Variants in FAM24B observed in about 807,000 individuals in gnomAD.
FAM24B encodes the protein protein FAM24B.
FAM24B carries 3 observed loss-of-function variants against 2.3 expected under a neutral mutation model. That is an observed-to-expected ratio of 1.29 (90% confidence interval 0.59 to 3.32). The LOEUF (loss-of-function observed/expected upper bound fraction) is 3.32, where lower values mean the gene tolerates loss of function less well. Ranked by LOEUF, FAM24B falls within the 30% of genes most tolerant of loss-of-function variation. The pLI, the probability that FAM24B is intolerant of heterozygous loss-of-function variation, is 0.03. For missense variants in FAM24B, 98 were observed against 117.2 expected (o/e 0.84, Z 0.76); for synonymous variants, 36 against 46.3 (o/e 0.78, Z 0.90).
At chr10:122,850,018 C>A (rs2280710) in intron 3 of FAM24B, among the ~76,000 whole-genome samples, 1 of 152,142 alleles carries the variant, frequency 6.6e-6, no homozygotes, top group Non-Finnish European at 1.5e-5. Flanking sequence ...TCCAGCCCGT[C>A]CTCCACATGA....
chr10:122,860,236 A>G (rs1847706676), intron 1 of FAM24B, among the ~76,000 whole-genome samples: 1 of 152,030 alleles, frequency 6.6e-6, no homozygotes, highest in Admixed American at 6.5e-5. Flanking sequence ...CCATGGATCA[A>G]TTTTCCATCC....
intron 3 of FAM24B, 63 bp downstream of exon 3, chr10:122,850,360 TG>T: frequency 7.6e-7 from 1 of 1,322,404 alleles, no homozygotes; most frequent in East Asian, 2.3e-5. Context: ...ACTGAGGAAG[TG>T]CTATCCCCTT....
chr10:122,876,195 T>C (rs1847974318), intron 1 of FAM24B, among the ~76,000 whole-genome samples: 1 of 152,188 alleles, frequency 6.6e-6, no homozygotes, highest in Non-Finnish European at 1.5e-5. Context: ...CTTGCCTTGG[T>C]CTCTCACTCT....
At chr10:122,858,815 C>G (rs760113984) in intron 1 of FAM24B, among the ~76,000 whole-genome samples, 3 of 152,182 alleles carry the variant, frequency 2.0e-5, no homozygotes, top group Non-Finnish European at 4.4e-5. Flanking sequence ...TGGTGCTCCC[C>G]AGAGACTACA....
chr10:122,861,966 T>C (rs1847731195), intron 1 of FAM24B, among the ~76,000 whole-genome samples: 1 of 152,200 alleles, frequency 6.6e-6, no homozygotes, highest in African/African-American at 2.4e-5. Flanking sequence ...TTTACCTGCC[T>C]CTCTTTTCTG....
At chr10:122,850,353 G>A (rs1174826492) in intron 3 of FAM24B, 71 bp downstream of exon 3, 5 of 1,253,774 alleles carry the variant, frequency 4.0e-6, no homozygotes, top group South Asian at 1.2e-5. Flanking sequence ...GTATCCCACT[G>A]AGGAAGTGCT....
intron 1 of FAM24B, among the ~76,000 whole-genome samples, chr10:122,877,024 T>G (rs1005129868): frequency 1.3e-5 from 2 of 152,194 alleles, no homozygotes; most frequent in African/African-American, 2.4e-5. Flanking sequence ...AAACTTCTCT[T>G]TAAAACAGTC....
At chr10:122,870,839 G>T (rs1328547538) in intron 1 of FAM24B, among the ~76,000 whole-genome samples, 1 of 152,166 alleles carries the variant, frequency 6.6e-6, no homozygotes, top group African/African-American at 2.4e-5. Context: ...ATACTGAATG[G>T]ACAAAAACTG....
chr10:122,864,935 T>A (rs948037429), intron 1 of FAM24B, among the ~76,000 whole-genome samples: 1 of 152,250 alleles, frequency 6.6e-6, no homozygotes, highest in African/African-American at 2.4e-5. Context: ...TATTCCATTA[T>A]ATGAAAATAC....
chr10:122,872,165 G>T (rs1484232721), intron 1 of FAM24B, among the ~76,000 whole-genome samples: 1 of 152,164 alleles, frequency 6.6e-6, no homozygotes, highest in Non-Finnish European at 1.5e-5. Context: ...TATTTATGCA[G>T]CCAAAAAACA....
chr10:122,874,385 C>A (rs530449632), intron 1 of FAM24B, among the ~76,000 whole-genome samples: 3 of 152,128 alleles, frequency 2.0e-5, no homozygotes, highest in Admixed American at 6.5e-5. Flanking sequence ...AGTTCATGAC[C>A]TTGGATCATT....
At chr10:122,858,192 G>A (rs1474858905) in intron 1 of FAM24B, among the ~76,000 whole-genome samples, 1 of 152,116 alleles carries the variant, frequency 6.6e-6, no homozygotes, top group Non-Finnish European at 1.5e-5. Context: ...AGAAAATGTG[G>A]CACATATACA....
At position 122,857,469 on chromosome 10, in the gene FAM24B, A is replaced by G. The variant is rs547426119; in HGVS notation, c.-177-1683T>C. Among the ~76,000 whole-genome samples, 12 of 152,340 alleles carry G rather than the reference A, an allele frequency of 7.9e-5. No individual in the cohort carries two copies. The East Asian group carries it at 1.7e-3, about 22-fold the overall frequency. On this transcript the variant is annotated intron_variant, in intron 1 of 3. Coordinates refer to ENST00000368898, the MANE Select transcript of FAM24B (RefSeq NM_152644.3). ...TTTCACTATTCTTTCTTGCTATTAC[A>G]TAAGTCAGTCTTTAAAGCAATAAAT...
At chr10:122,858,735 T>TG (rs1847680433) in intron 1 of FAM24B, among the ~76,000 whole-genome samples, 1 of 151,948 alleles carries the variant, frequency 6.6e-6, no homozygotes, top group African/African-American at 2.4e-5. Flanking sequence ...TCACTGTCTG[T>TG]GGGGCACACA....
At chr10:122,876,734 T>C (rs562272513) in intron 1 of FAM24B, among the ~76,000 whole-genome samples, 45 of 152,354 alleles carry the variant, frequency 3.0e-4, no homozygotes, top group Non-Finnish European at 5.9e-5. Flanking sequence ...CATTATCTGA[T>C]GGATATTTTA....
At chr10:122,866,824 A>G (rs1847811039) in intron 1 of FAM24B, among the ~76,000 whole-genome samples, 1 of 152,136 alleles carries the variant, frequency 6.6e-6, no homozygotes, top group Admixed American at 6.5e-5. Flanking sequence ...AATGATAACA[A>G]TTAATACCCC....
At chr10:122,869,341 T>A (rs567092057) in intron 1 of FAM24B, among the ~76,000 whole-genome samples, 28 of 152,182 alleles carry the variant, frequency 1.8e-4, no homozygotes, top group Non-Finnish European at 3.4e-4. Flanking sequence ...AATGGGAGAC[T>A]TTAACACCCC....
intron 1 of FAM24B, among the ~76,000 whole-genome samples, chr10:122,870,862 T>C (rs1046058177): frequency 1.3e-5 from 2 of 152,198 alleles, no homozygotes; most frequent in African/African-American, 4.8e-5. Flanking sequence ...AGCATTCCCT[T>C]TGAAAACTGG....
intron 1 of FAM24B, among the ~76,000 whole-genome samples, chr10:122,859,257 G>A (rs756211370): frequency 6.6e-6 from 1 of 152,214 alleles, no homozygotes; most frequent in Non-Finnish European, 1.5e-5. Flanking sequence ...TGACTGCGAT[G>A]TGAGTTGTGG....
Sources: gnomAD v4.1 joint callset for allele counts (sites outside exome capture counted in the v4.1 genomes callset) on GRCh38, gnomAD v4.1.1 for gene constraint, MANE v1.5 for transcripts, NCBI Gene and HGNC (gene_info 2026-07-23, HGNC 2026-07-21) for gene names.